Variants in STMN3 observed in about 807,000 individuals in gnomAD.
STMN3 encodes the protein stathmin 3.
In STMN3, 24 loss-of-function variants were observed where a neutral mutation model predicts 23.2. The observed-to-expected ratio is 1.03, with a 90% confidence interval of 0.75 to 1.45. STMN3 has a LOEUF of 1.45. Ranked by LOEUF, STMN3 falls within the 40% of genes most tolerant of loss-of-function variation. The probability of loss-of-function intolerance (pLI) is 0.00; values close to 1 mark genes in which losing one functional copy is unlikely to be tolerated. For missense variants in STMN3, 235 were observed against 237.6 expected, an observed-to-expected ratio of 0.99 and a Z score of 0.07; for synonymous variants, 117 against 103.4, an observed-to-expected ratio of 1.13 and a Z score of -0.80.
chr20:63,650,020 G>T lies in STMN3; in HGVS notation c.19+3307C>A, dbSNP rs981036530. On this transcript the variant is annotated intron_variant, in intron 1 of 4. Coordinates refer to ENST00000370053, the MANE Select transcript of STMN3 (RefSeq NM_015894.4). The stretch of plus-strand genomic sequence containing the variant: ...TTTCTGTATTTTTAGTAGAGATGAG[G>T]TTTCACCATGTTGGCCAGGCTGGTC... 2.0e-5 allele frequency among the ~76,000 whole-genome samples: 3 copies of T among 151,982 alleles called. No individual in the cohort carries two copies. The East Asian group carries it at 5.8e-4, about 29-fold the overall frequency.
At position 63,652,840 on chromosome 20, in the gene STMN3, C is replaced by T. The variant is rs2089871400; in HGVS notation, c.19+487G>A. 1.0e-6 allele frequency: 1 copy of T among 966,762 alleles called. No homozygotes were observed. Among genetic ancestry groups the T allele is most frequent in the African/African-American group, 1.8e-5 (1 of 56,984 alleles). The allele number at this position is 966,762 out of a possible 1,614,324, so 59.9% of individuals were successfully genotyped here. A position where few individuals can be genotyped will look rare whatever the true frequency, so the allele number is the denominator to read the frequency against. On this transcript the variant is annotated intron_variant, in intron 1 of 4. Coordinates refer to ENST00000370053, the MANE Select transcript of STMN3 (RefSeq NM_015894.4). This position sits in a 1 kb window ranked among gnomAD's most constrained non-coding sequence, Gnocchi z 5.3. ...CGCCCCCCTCCTTCAGCGCCCCCTCCAGCCCCTGTGCTGCACTGGCGCGGG... is the reference window on the plus strand; with the variant it reads ...CGCCCCCCTCCTTCAGCGCCCCCTCTAGCCCCTGTGCTGCACTGGCGCGGG...
rs1057377734 is a variant in STMN3 at position 63,643,711 on chromosome 20, C to T, written c.291+45G>A. The T allele has an allele frequency of 2.0e-6, 3 of 1,487,716 alleles. No individual in the cohort carries two copies. In the South Asian group the frequency reaches 4.3e-5, roughly 21 times the overall value. 92.2% of individuals were successfully genotyped at this position (1,487,716 alleles called of 1,614,324 possible). On this transcript the variant is annotated intron_variant, in intron 3 of 4. Transcript: ENST00000370053. The stretch of plus-strand genomic sequence containing the variant: ...TTGCAGGCCCTGTCCCCGTGGGCCG[C>T]CTCCGTTGAAACTCCTGGGGGGTGG...
In STMN3 at chr20:63,642,213, G is replaced by C; in HGVS notation, c.378C>G (p.Asn126Lys). ...EVLHKALEEN[N>K]NFSRQAEEKL... is the part of the protein sequence containing the mutation. ...TCTCCTCCGCCTGGCGGCTGAAGTT[G>C]TTATTCTCCTCCAGCGCCTTGTGCA... The change falls in exon 4 of 5, where the codon AAC becomes AAG. Residue 126 changes from asparagine (N) to lysine (K), a missense_variant. Coordinates refer to ENST00000370053, the MANE Select transcript of STMN3 (RefSeq NM_015894.4). 1 of 1,563,424 alleles carries C rather than the reference G, an allele frequency of 6.4e-7. No homozygotes were observed. The highest frequency in any genetic ancestry group is 1.2e-5 in the South Asian group (1 of 86,508).
chr20:63,647,646 A>ATACATGTATATATATAATATATATATACG (rs2089819472), intron 1 of STMN3, among the ~76,000 whole-genome samples: 2 of 138,340 alleles, frequency 1.4e-5, no homozygotes, highest in African/African-American at 5.5e-5. Flanking sequence ...ATATATATAT[A>ATACATGTATATATATAATATATATATACG]TACATGTATA....
Position 63,640,882 on chromosome 20 carries a change from C to T in STMN3, c.*456G>A, listed in dbSNP as rs397843627. Reference sequence around the variant, plus strand: ...AGGCACCATCACCCCCCTCCCCCGTCGCCCCTCCCTCATGGGGAGCCCCTT... The same window carrying T: ...AGGCACCATCACCCCCCTCCCCCGTTGCCCCTCCCTCATGGGGAGCCCCTT... On this transcript the variant is annotated 3_prime_UTR_variant, in exon 5 of 5. Coordinates refer to ENST00000370053, the MANE Select transcript of STMN3 (RefSeq NM_015894.4). The T allele has an allele frequency of 6.0e-5, 15 of 249,310 alleles. No homozygotes were observed. Among genetic ancestry groups the T allele is most frequent in the East Asian group, 1.3e-4 (1 of 7,860 alleles). 15.4% of individuals were successfully genotyped at this position (249,310 alleles called of 1,614,324 possible).
chr20:63,641,484 T>C, intron 4 of STMN3, 87 bp from the exon 5 acceptor site: 2 of 1,136,736 alleles, frequency 1.8e-6, no homozygotes, highest in Non-Finnish European at 1.3e-6. Context: ...CGTGGCGCCC[T>C]GGCACCCGCC....
At position 63,642,137 on chromosome 20, in the gene STMN3, C is replaced by T. The variant is rs1260001408; in HGVS notation, c.454G>A (p.Ala152Thr). The T allele has an allele frequency of 6.5e-7, 1 of 1,538,078 alleles. No homozygotes were observed. Among genetic ancestry groups the T allele is most frequent in the Non-Finnish European group, 8.7e-7 (1 of 1,146,244 alleles). Reference protein sequence around the residue: ...LSKEIREAHLAALRERLREKE... With the variant: ...LSKEIREAHLTALRERLREKE... The stretch of plus-strand genomic sequence containing the variant: ...TCGCGCAGCCGCTCGCGCAGTGCGG[C>T]CAGGTGTGCCTCGCGGATCTCCTTG... Residue 152 changes from alanine to threonine, a missense_variant, in exon 4 of 5, where the codon GCC becomes ACC. Ala to Thr is a moderately conservative substitution (Grantham distance 58, BLOSUM62 0). Coordinates refer to ENST00000370053, the MANE Select transcript of STMN3 (RefSeq NM_015894.4).
intron 4 of STMN3, among the ~76,000 whole-genome samples, chr20:63,641,777 C>T (rs13042091): frequency 0.46 from 67,360 of 148,024 alleles, 16,036 homozygotes; most frequent in Middle Eastern, 0.53. Context: ...GAGCCCCCGA[C>T]CCCCACCCCA....
chr20:63,648,627 T>C (rs1032079642), intron 1 of STMN3, among the ~76,000 whole-genome samples: 9 of 152,098 alleles, frequency 5.9e-5, no homozygotes, highest in African/African-American at 2.2e-4. Flanking sequence ...CCCCAGCTAC[T>C]CAGGAGGCTG....
rs1406004230 is a variant in STMN3 at position 63,640,926 on chromosome 20, G to A, written c.*412C>T. ...GCCCCTTCCCCCTGGAAAGACAGCA[G>A]GTACTGTAGCCTCGCCTGCTGGCCA... On this transcript the variant is annotated 3_prime_UTR_variant, in exon 5 of 5. Transcript: ENST00000370053. The A allele has an allele frequency of 3.3e-6, 1 of 301,974 alleles. No individual in the cohort carries two copies. Among genetic ancestry groups the A allele is most frequent in the Non-Finnish European group, 6.4e-6 (1 of 156,040 alleles). The allele number at this position is 301,974 out of a possible 1,614,324, so 18.7% of individuals were successfully genotyped here.
intron 1 of STMN3, 75 bp downstream of exon 1, chr20:63,653,252 C>T: frequency 2.0e-6 from 3 of 1,512,472 alleles, no homozygotes; most frequent in Non-Finnish European, 2.7e-6. Flanking sequence ...CTGCCGGCCG[C>T]TGCCCCAGGC....
At chr20:63,644,063 G>A in intron 2 of STMN3, 132 bp from the exon 3 acceptor site, 1 of 1,390,928 alleles carries the variant, frequency 7.2e-7, no homozygotes, top group East Asian at 2.4e-5. Flanking sequence ...AGGAATCCCA[G>A]GCTTCAGCCC....
chr20:63,650,501 G>A (rs1365476364), intron 1 of STMN3, among the ~76,000 whole-genome samples: 3 of 92,326 alleles, frequency 3.2e-5, no homozygotes, highest in Admixed American at 2.3e-4. Context: ...CACCCCTCCC[G>A]CCGTCCAGGT....
chr20:63,647,871 C>T (rs183971715), intron 1 of STMN3, among the ~76,000 whole-genome samples: 7 of 110,954 alleles, frequency 6.3e-5, no homozygotes, highest in Admixed American at 4.8e-4. Context: ...TATATATACA[C>T]GTGTATATAT....
chr20:63,650,285 T>C (rs2089847526), intron 1 of STMN3, among the ~76,000 whole-genome samples: 1 of 152,150 alleles, frequency 6.6e-6, no homozygotes, highest in Non-Finnish European at 1.5e-5. Context: ...TTGTTTTGTC[T>C]CCCTGCTTCT....
Position 63,652,717 on chromosome 20 carries a change from GC to G in STMN3, c.19+609del. The G allele has an allele frequency of 1.0e-6, 1 of 986,054 alleles. No individual in the cohort carries two copies. Among genetic ancestry groups the G allele is most frequent in the Non-Finnish European group, 1.2e-6 (1 of 830,476 alleles). The allele number at this position is 986,054 out of a possible 1,614,324, so 61.1% of individuals were successfully genotyped here. On this transcript the variant is annotated intron_variant, in intron 1 of 4. Transcript: ENST00000370053. The surrounding 1 kb of genome is among the most constrained non-coding windows in gnomAD (Gnocchi z 5.3). ...AAGGGCAGTGGCTTTTCTGGCCAGA[GC>G]AGGTGGCGCGGGCGTCGCAAAGGGT...
At chr20:63,649,599 C>T (rs1156975933) in intron 1 of STMN3, among the ~76,000 whole-genome samples, 3 of 152,066 alleles carry the variant, frequency 2.0e-5, no homozygotes, top group African/African-American at 7.2e-5. Context: ...GGTACAATCT[C>T]GGCTCACGGC....
At chr20:63,642,805 G>A (rs1245150594) in intron 3 of STMN3, among the ~76,000 whole-genome samples, 2 of 152,118 alleles carry the variant, frequency 1.3e-5, no homozygotes, top group Non-Finnish European at 2.9e-5. Flanking sequence ...GCCGGCTGGT[G>A]ACCCCTGGGA....
At chr20:63,647,033 C>T (rs1258278077) in intron 1 of STMN3, among the ~76,000 whole-genome samples, 3 of 151,964 alleles carry the variant, frequency 2.0e-5, no homozygotes, top group Non-Finnish European at 4.4e-5. Context: ...AATAGCTGGG[C>T]GTGGTGGCTC....
Sources: allele counts gnomAD v4.1 joint callset (sites outside exome capture counted in the v4.1 genomes callset), GRCh38; gene constraint gnomAD v4.1.1; non-coding constraint Gnocchi (gnomAD v3.1); transcripts MANE v1.5; gene names NCBI Gene and HGNC (gene_info 2026-07-23, HGNC 2026-07-21).